HERC3: variants seen among roughly 807,000 people sequenced by gnomAD.
The protein encoded by HERC3 is HECT and RLD domain containing E3 ubiquitin protein ligase 3, also known as probable E3 ubiquitin-protein ligase HERC3.
HERC3 carries 58 observed loss-of-function variants against 129.9 expected under a neutral mutation model. The ratio of observed to expected loss-of-function variants is 0.45; its 90% CI spans 0.36 to 0.56. The LOEUF (loss-of-function observed/expected upper bound fraction) is 0.56, where lower values mean the gene tolerates loss of function less well. Ranked by LOEUF, HERC3 falls within the 20% of genes least tolerant of loss-of-function variation. The pLI, the probability that HERC3 is intolerant of heterozygous loss-of-function variation, is 0.00. For synonymous variants in HERC3, 430 were observed against 451.0 expected, an observed-to-expected ratio of 0.95 and a Z score of 0.59; for missense variants, 835 against 1,244.2, an observed-to-expected ratio of 0.67 and a Z score of 4.95.
intron 3 of HERC3, among the ~76,000 whole-genome samples, chr4:88,619,530 A>G (rs1725285335): frequency 6.6e-6 from 1 of 152,218 alleles, no homozygotes. Flanking sequence ...TAAAAATAAT[A>G]GGAAAAAAAA....
the HERC3 span, among the ~76,000 whole-genome samples, chr4:88,533,019 A>G: frequency 2.0e-5 from 3 of 152,248 alleles, no homozygotes; most frequent in Non-Finnish European, 4.4e-5. Flanking sequence ...CTGAAGAGCA[A>G]GGAAGCCAGT....
intron 3 of HERC3, among the ~76,000 whole-genome samples, chr4:88,646,720 A>T (rs1240208484): frequency 6.6e-6 from 1 of 152,198 alleles, no homozygotes; most frequent in Non-Finnish European, 1.5e-5. Context: ...TGAGGCATTC[A>T]TCAGCACACT....
At chr4:88,683,369 A>G (rs1245939788) in intron 21 of HERC3, among the ~76,000 whole-genome samples, 2 of 152,198 alleles carry the variant, frequency 1.3e-5, no homozygotes, top group Non-Finnish European at 2.9e-5. Flanking sequence ...CTGAGAAACT[A>G]TAAAGGATGG....
intron 3 of HERC3, among the ~76,000 whole-genome samples, chr4:88,645,118 G>C (rs1417031985): frequency 1.3e-5 from 2 of 152,110 alleles, no homozygotes; most frequent in Non-Finnish European, 2.9e-5. Flanking sequence ...TTCAATAAAA[G>C]TCTGCTGCAC....
At chr4:88,645,503 T>C (rs1728593362) in intron 3 of HERC3, among the ~76,000 whole-genome samples, 1 of 152,136 alleles carries the variant, frequency 6.6e-6, no homozygotes, top group African/African-American at 2.4e-5. Flanking sequence ...GTATATACTG[T>C]ATATAGTAGT....
chr4:88,640,471 G>A (rs1727959874), intron 3 of HERC3, among the ~76,000 whole-genome samples: 1 of 152,122 alleles, frequency 6.6e-6, no homozygotes, highest in African/African-American at 2.4e-5. Context: ...AACTAACACA[G>A]AAACAGAAAA....
At chr4:88,607,070 G>A (rs1260955865) in intron 3 of HERC3, among the ~76,000 whole-genome samples, 1 of 152,116 alleles carries the variant, frequency 6.6e-6, no homozygotes, top group African/African-American at 2.4e-5. Context: ...GATCCTTATG[G>A]CAAATGCTGT....
At chr4:88,699,624 T>C (rs1264744769) in intron 23 of HERC3, among the ~76,000 whole-genome samples, 1 of 151,826 alleles carries the variant, frequency 6.6e-6, no homozygotes. Context: ...ATCACTTAAT[T>C]GGCAGATGCA....
intron 3 of HERC3, among the ~76,000 whole-genome samples, chr4:88,629,167 C>G (rs1037639890): frequency 1.3e-5 from 2 of 152,086 alleles, no homozygotes; most frequent in South Asian, 4.1e-4. Context: ...CAAAACAAAA[C>G]AAAACAAAAC....
At chr4:88,616,168 A>G (rs573893046) in intron 3 of HERC3, among the ~76,000 whole-genome samples, 152 of 151,854 alleles carry the variant, frequency 1.0e-3, no homozygotes, top group African/African-American at 3.4e-3. Flanking sequence ...GGATAAGTCT[A>G]TTTTCTTTAT....
chr4:88,657,675 T>C (rs1730057971), intron 9 of HERC3, among the ~76,000 whole-genome samples: 1 of 152,136 alleles, frequency 6.6e-6, no homozygotes, highest in South Asian at 2.1e-4. Context: ...AATGACATGG[T>C]TTTAGGAACC....
In HERC3 at chr4:88,630,272, C is replaced by G. The variant is rs1476727198; in HGVS notation, c.227-19568C>G. ...GATGCTTTGAAATGTCTGTGAGCTT[C>G]CCTAGTGATTTAGAAATGAAACAGT... is the stretch of plus-strand genomic sequence containing the variant. On this transcript the variant is annotated intron_variant, in intron 3 of 25. Coordinates refer to ENST00000402738, the MANE Select transcript of HERC3 (RefSeq NM_014606.3). 2.0e-5 allele frequency among the ~76,000 whole-genome samples: 3 copies of G among 152,124 alleles called. No homozygotes were observed. The East Asian group carries it at 5.8e-4, about 29-fold the overall frequency.
chr4:88,601,118 C>CT (rs1722917197), intron 2 of HERC3, among the ~76,000 whole-genome samples: 1 of 152,110 alleles, frequency 6.6e-6, no homozygotes, highest in Non-Finnish European at 1.5e-5. Context: ...AATCTTAATA[C>CT]TTTTTTAGTG....
intron 18 of HERC3, 115 bp downstream of exon 18, chr4:88,676,538 T>C: frequency 1.4e-6 from 1 of 739,738 alleles, no homozygotes. Flanking sequence ...CCATTGTAAT[T>C]CTTAAAACTG....
chr4:88,575,386 T>C, the HERC3 span, among the ~76,000 whole-genome samples: 1 of 152,220 alleles, frequency 6.6e-6, no homozygotes. Context: ...GAGCTCCTCC[T>C]CAGCCTGTCA....
chr4:88,640,747 T>G (rs935167509), intron 3 of HERC3, among the ~76,000 whole-genome samples: 3 of 152,056 alleles, frequency 2.0e-5, no homozygotes, highest in Admixed American at 6.6e-5. Context: ...AATAAATAAA[T>G]AAGATCAGTT....
intron 20 of HERC3, 22 bp downstream of exon 20, chr4:88,680,258 T>C (rs764428644): frequency 2.6e-6 from 4 of 1,556,202 alleles, no homozygotes; most frequent in Non-Finnish European, 3.5e-6. Flanking sequence ...GTGTCACAAT[T>C]AAACAGATGG....
Position 88,643,024 on chromosome 4 carries a change from A to C in HERC3, c.227-6816A>C, listed in dbSNP as rs769509662. ...AAAAATTGCAGTGTCTACATTGAAA[A>C]TTAAAAAACTATTAGTTAAATTTGT... On this transcript the variant is annotated intron_variant, in intron 3 of 25. Transcript: ENST00000402738. Among the ~76,000 whole-genome samples, 208 of 152,354 alleles carry C rather than the reference A, an allele frequency of 1.4e-3. 1 individual carries two copies. Among genetic ancestry groups the C allele is most frequent in the Non-Finnish European group, 2.2e-3 (148 of 68,036 alleles).
chr4:88,627,308 T>C (rs1306205858), intron 3 of HERC3, among the ~76,000 whole-genome samples: 2 of 151,962 alleles, frequency 1.3e-5, no homozygotes, highest in African/African-American at 2.4e-5. Flanking sequence ...CAACCACAGA[T>C]TGAAAATATT....
Sources: gnomAD v4.1 joint callset for allele counts (sites outside exome capture counted in the v4.1 genomes callset) on GRCh38, gnomAD v4.1.1 for gene constraint, MANE v1.5 for transcripts, NCBI Gene and HGNC (gene_info 2026-07-23, HGNC 2026-07-21) for gene names.